CDK19: variants seen among roughly 807,000 people sequenced by gnomAD.
The protein encoded by CDK19 is cyclin-dependent kinase 19.
Under a neutral mutation model 68.3 loss-of-function variants are expected in CDK19, and 20 were observed. The ratio of observed to expected loss-of-function variants is 0.29; its 90% CI spans 0.21 to 0.43. The LOEUF is 0.43. Ranked by LOEUF, CDK19 falls within the 20% of genes least tolerant of loss-of-function variation. The pLI, the probability that CDK19 is intolerant of heterozygous loss-of-function variation, is 1.00. For synonymous variants in CDK19, 221 were observed against 222.8 expected (o/e 0.99, Z 0.07); for missense variants, 339 against 623.5 (o/e 0.54, Z 4.86).
intron 1 of CDK19, among the ~76,000 whole-genome samples, chr6:110,802,980 T>C (rs975964674): frequency 6.6e-6 from 1 of 152,132 alleles, no homozygotes; most frequent in Non-Finnish European, 1.5e-5. Context: ...TAAGCAACAG[T>C]AAGCAACAGC....
Position 110,815,330 on chromosome 6 carries a change from C to A in CDK19, c.-194G>T. On this transcript the variant is annotated 5_prime_UTR_variant, in exon 1 of 13. Transcript: ENST00000368911. ...TCGGCGGCCACAGCAGCCACCTCCT[C>A]CACCTCTTCCTCCTCCTCCTCCGCG... 2.1e-6 allele frequency: 1 copy of A among 482,236 alleles called. No homozygotes were observed. The highest frequency in any genetic ancestry group is 3.4e-6 in the Non-Finnish European group (1 of 295,752). The allele number at this position is 482,236 out of a possible 1,614,324, so 29.9% of individuals were successfully genotyped here.
At chr6:110,682,192 T>G (rs1242373765) in intron 2 of CDK19, among the ~76,000 whole-genome samples, 1 of 152,208 alleles carries the variant, frequency 6.6e-6, no homozygotes, top group Admixed American at 6.5e-5. Flanking sequence ...AATTTTCTAT[T>G]CTTTTTTGAT....
At chr6:110,687,066 A>G (rs1772552009) in intron 2 of CDK19, among the ~76,000 whole-genome samples, 1 of 152,148 alleles carries the variant, frequency 6.6e-6, no homozygotes, top group Non-Finnish European at 1.5e-5. Flanking sequence ...AAAATAAAAT[A>G]TATAGTTTGC....
In CDK19 at chr6:110,623,299, C is replaced by T. The variant is rs768669335; in HGVS notation, c.924G>A (p.Val308=). Residue 308 remains valine, a synonymous_variant, in exon 9 of 13, where the codon GTG becomes GTA. Coordinates refer to ENST00000368911, the MANE Select transcript of CDK19 (RefSeq NM_015076.5). ...GGAGAGAAGCACCTACCAAGAGGAACACTTTGCTGTCAGGCTTGACCTTGT... is the reference window on the plus strand; with the variant it reads ...GGAGAGAAGCACCTACCAAGAGGAATACTTTGCTGTCAGGCTTGACCTTGT... ...EKHKVKPDSK[V]FLLLQKLLTM... The T allele has an allele frequency of 6.2e-7, 1 of 1,613,736 alleles. No homozygotes were observed. The highest frequency in any genetic ancestry group is 8.5e-7 in the Non-Finnish European group (1 of 1,179,694).
Position 110,670,556 on chromosome 6 carries a change from A to G in CDK19, c.205-15T>C, listed in dbSNP as rs1308120964. On this transcript the variant is annotated splice_polypyrimidine_tract_variant and intron_variant, in intron 2 of 12. Transcript: ENST00000368911. ...TCTCGCAAAAGCTGAATGCAAAAGA[A>G]AGAGAGGGGTCACTGTTGTGTTAGC... 2 of 1,422,616 alleles carry G rather than the reference A, an allele frequency of 1.4e-6. No homozygotes were observed. Among genetic ancestry groups the G allele is most frequent in the East Asian group, 2.3e-5 (1 of 43,928 alleles). The allele number at this position is 1,422,616 out of a possible 1,614,324, so 88.1% of individuals were successfully genotyped here.
intron 2 of CDK19, among the ~76,000 whole-genome samples, chr6:110,703,654 A>G (rs563266907): frequency 6.6e-6 from 1 of 152,234 alleles, no homozygotes; most frequent in Middle Eastern, 3.4e-3. Context: ...AGCCTTGACA[A>G]CACAGGGAGA....
At chr6:110,734,657 G>C (rs1308807035) in intron 2 of CDK19, among the ~76,000 whole-genome samples, 1 of 150,404 alleles carries the variant, frequency 6.6e-6, no homozygotes, top group Admixed American at 6.7e-5. Context: ...TGAAATTTAT[G>C]CTACCACAAA....
intron 4 of CDK19, among the ~76,000 whole-genome samples, chr6:110,660,204 G>A (rs1781533855): frequency 6.6e-6 from 1 of 152,128 alleles, no homozygotes; most frequent in African/African-American, 2.4e-5. Context: ...TCGCAGGCTG[G>A]AACTGGAGTG....
chr6:110,619,824 C>CA (rs1778594601), intron 12 of CDK19, among the ~76,000 whole-genome samples: 6 of 152,084 alleles, frequency 3.9e-5, no homozygotes, highest in Admixed American at 3.9e-4. Flanking sequence ...GCCCCTGTTG[C>CA]AGTGGTCCCT....
chr6:110,663,201 T>C (rs1411336570), intron 4 of CDK19, among the ~76,000 whole-genome samples: 1 of 152,208 alleles, frequency 6.6e-6, no homozygotes, highest in East Asian at 1.9e-4. Flanking sequence ...GACTATCAAA[T>C]AGTGTCAAGC....
intron 2 of CDK19, among the ~76,000 whole-genome samples, chr6:110,693,250 C>A (rs1393904422): frequency 6.6e-6 from 1 of 152,182 alleles, no homozygotes; most frequent in African/African-American, 2.4e-5. Context: ...AGCAGCTGGC[C>A]ACTGCAGTTC....
In CDK19 at chr6:110,744,349, G is replaced by T. The variant is rs1006306716; in HGVS notation, c.204+1777C>A. Among the ~76,000 whole-genome samples, 9 of 150,954 alleles carry T rather than the reference G, an allele frequency of 6.0e-5. 1 individual carries two copies. Among genetic ancestry groups the T allele is most frequent in the Non-Finnish European group, 1.0e-4 (7 of 67,792 alleles). ...TAATCAATGGAAAATCACCAAATTA[G>T]AATTTTTTCAAACAATTTGCATCCT... is the stretch of plus-strand genomic sequence containing the variant. On this transcript the variant is annotated intron_variant, in intron 2 of 12. Transcript: ENST00000368911.
chr6:110,761,711 T>C (rs974652988), intron 1 of CDK19, among the ~76,000 whole-genome samples: 3 of 152,196 alleles, frequency 2.0e-5, no homozygotes, highest in East Asian at 1.9e-4. Flanking sequence ...CATTTAAGGA[T>C]GTTTTTCATT....
chr6:110,770,448 A>T (rs1468235801), intron 1 of CDK19, among the ~76,000 whole-genome samples: 1 of 152,190 alleles, frequency 6.6e-6, no homozygotes, highest in Non-Finnish European at 1.5e-5. Context: ...ATCTCATGAG[A>T]CTTATTCACT....
chr6:110,617,851 T>C (rs919401235), intron 12 of CDK19, among the ~76,000 whole-genome samples: 2 of 101,972 alleles, frequency 2.0e-5, no homozygotes, highest in African/African-American at 4.0e-5. Flanking sequence ...AGTGAGACTC[T>C]GTCTCAAAAA....
At chr6:110,672,006 G>A (rs1264330087) in intron 2 of CDK19, among the ~76,000 whole-genome samples, 1 of 152,136 alleles carries the variant, frequency 6.6e-6, no homozygotes. Context: ...TCAAACTGCT[G>A]ACCTCAAGTG....
chr6:110,772,197 T>C (rs911144365), intron 1 of CDK19, among the ~76,000 whole-genome samples: 1 of 152,186 alleles, frequency 6.6e-6, no homozygotes, highest in East Asian at 1.9e-4. Flanking sequence ...AGAGGTTTAA[T>C]TGGACTTACA....
chr6:110,786,117 T>C (rs1012181310), intron 1 of CDK19, among the ~76,000 whole-genome samples: 8 of 152,342 alleles, frequency 5.3e-5, no homozygotes, highest in African/African-American at 1.4e-4. Flanking sequence ...AGTGTCTGTA[T>C]CATAGAAGAG....
At chr6:110,777,480 A>G (rs551292481) in intron 1 of CDK19, among the ~76,000 whole-genome samples, 1 of 151,692 alleles carries the variant, frequency 6.6e-6, no homozygotes, top group Non-Finnish European at 1.5e-5. Context: ...ACTAAAAAAT[A>G]AAATAAAATA....
Sources: gnomAD v4.1 joint callset for allele counts (sites outside exome capture counted in the v4.1 genomes callset) on GRCh38, gnomAD v4.1.1 for gene constraint, MANE v1.5 for transcripts, NCBI Gene and HGNC (gene_info 2026-07-23, HGNC 2026-07-21) for gene names.